The following PIP4K2A variants were observed in gnomAD, a reference collection of about 807,000 sequenced individuals.
PIP4K2A encodes phosphatidylinositol 5-phosphate 4-kinase type-2 alpha.
Under a neutral mutation model 42.9 loss-of-function variants are expected in PIP4K2A, and 14 were observed. The observed-to-expected ratio is 0.33, with a 90% CI of 0.22 to 0.51. The LOEUF (loss-of-function observed/expected upper bound fraction) is 0.51. Ranked by LOEUF, PIP4K2A falls within the 20% of genes least tolerant of loss-of-function variation. The probability of loss-of-function intolerance (pLI) is 0.97; values close to 1 mark genes in which losing one functional copy is unlikely to be tolerated. For missense variants in PIP4K2A, 434 were observed against 519.8 expected (o/e 0.83, Z 1.61); for synonymous variants, 192 against 192.2 (o/e 1.00, Z 0.01).
intron 1 of PIP4K2A, among the ~76,000 whole-genome samples, chr10:22,629,869 G>T (rs965002989): frequency 6.6e-6 from 1 of 152,090 alleles, no homozygotes; most frequent in Non-Finnish European, 1.5e-5. Context: ...GTGAGCAGGG[G>T]AGCCCTCCTT....
chr10:22,539,904 AGAGAGAGG>A (rs58927480), intron 9 of PIP4K2A, 59 bp downstream of exon 9: 227,338 of 647,830 alleles, frequency 0.35, 18,353 homozygotes, highest in Admixed American at 0.47. Context: ...AGAGAGAGAG[AGAGAGAGG>A]GAGAGAGAGA....
At chr10:22,674,393 C>T (rs1046857298) in intron 1 of PIP4K2A, among the ~76,000 whole-genome samples, 1 of 90,676 alleles carries the variant, frequency 1.1e-5, no homozygotes, top group Non-Finnish European at 2.0e-5. Context: ...AGAGAAGAGA[C>T]AAGAGACAAG....
chr10:22,646,015 C>T (rs993034326), intron 1 of PIP4K2A, among the ~76,000 whole-genome samples: 11 of 152,112 alleles, frequency 7.2e-5, no homozygotes, highest in African/African-American at 1.9e-4. Context: ...CGCCACTGTG[C>T]CCAGCCTAAT....
intron 1 of PIP4K2A, among the ~76,000 whole-genome samples, chr10:22,676,807 A>C (rs1287391866): frequency 6.6e-6 from 1 of 152,170 alleles, no homozygotes; most frequent in Non-Finnish European, 1.5e-5. Context: ...CAGAGGAGGA[A>C]GCCAACAATT....
At chr10:22,589,042 C>T (rs565693765) in intron 4 of PIP4K2A, among the ~76,000 whole-genome samples, 1 of 152,272 alleles carries the variant, frequency 6.6e-6, no homozygotes, top group African/African-American at 2.4e-5. Flanking sequence ...CCAGAGAAAA[C>T]ATTTCAAATC....
At chr10:22,661,818 G>C (rs1839210735) in intron 1 of PIP4K2A, 1 of 152,184 alleles carries the variant, frequency 6.6e-6, no homozygotes, top group African/African-American at 2.4e-5. Flanking sequence ...CACGGTTTCT[G>C]AGCAGAAGTT....
chr10:22,562,847 T>C (rs908871803), intron 6 of PIP4K2A, among the ~76,000 whole-genome samples: 2 of 152,118 alleles, frequency 1.3e-5, no homozygotes, highest in African/African-American at 4.8e-5. Flanking sequence ...CTCATGCCTA[T>C]TGGATATCTC....
chr10:22,581,565 TAAAAAAAA>T (rs531477426), intron 4 of PIP4K2A, among the ~76,000 whole-genome samples: 1 of 78,668 alleles, frequency 1.3e-5, no homozygotes, highest in African/African-American at 5.6e-5. Flanking sequence ...ATCCTATCTC[TAAAAAAAA>T]AAAAAAAAAA....
intron 1 of PIP4K2A, among the ~76,000 whole-genome samples, chr10:22,620,914 G>A (rs900080916): frequency 6.6e-6 from 1 of 152,198 alleles, no homozygotes; most frequent in Admixed American, 6.5e-5. Flanking sequence ...TTTCATTTAT[G>A]TGGATGTGGC....
chr10:22,613,345 G>C (rs113374077), intron 1 of PIP4K2A, among the ~76,000 whole-genome samples: 4 of 152,206 alleles, frequency 2.6e-5, no homozygotes, highest in African/African-American at 9.6e-5. Flanking sequence ...GACAGAGGGA[G>C]GACCTGACAG....
intron 1 of PIP4K2A, among the ~76,000 whole-genome samples, chr10:22,675,129 A>G (rs1052608008): frequency 6.6e-6 from 1 of 152,170 alleles, no homozygotes; most frequent in African/African-American, 2.4e-5. Flanking sequence ...TCATTCTTGT[A>G]ATTTACATAT....
intron 6 of PIP4K2A, among the ~76,000 whole-genome samples, chr10:22,563,122 T>C (rs1318037915): frequency 6.6e-6 from 1 of 152,184 alleles, no homozygotes; most frequent in East Asian, 1.9e-4. Context: ...TTTCTATGAC[T>C]TTGACATTCC....
intron 1 of PIP4K2A, among the ~76,000 whole-genome samples, chr10:22,623,888 G>C (rs1361071867): frequency 6.6e-6 from 1 of 152,112 alleles, no homozygotes; most frequent in Non-Finnish European, 1.5e-5. Context: ...CACATGATGA[G>C]GTCAAAGCAC....
At chr10:22,621,313 A>C (rs919809482) in intron 1 of PIP4K2A, among the ~76,000 whole-genome samples, 2 of 152,212 alleles carry the variant, frequency 1.3e-5, no homozygotes, top group African/African-American at 4.8e-5. Flanking sequence ...TCAAATAAGA[A>C]CTTCACTCAT....
intron 4 of PIP4K2A, among the ~76,000 whole-genome samples, chr10:22,586,366 G>A (rs10218845): frequency 0.87 from 132,306 of 152,168 alleles, 57,616 homozygotes; most frequent in East Asian, 0.97. Context: ...TGAAGTCTTC[G>A]TAATTCTGCA....
chr10:22,678,874 G>T (rs1839611020), intron 1 of PIP4K2A, among the ~76,000 whole-genome samples: 1 of 152,216 alleles, frequency 6.6e-6, no homozygotes. Flanking sequence ...CTTATACCTA[G>T]AGTATTAGAC....
intron 6 of PIP4K2A, among the ~76,000 whole-genome samples, chr10:22,562,331 G>A (rs569505334): frequency 1.3e-5 from 2 of 152,272 alleles, no homozygotes; most frequent in African/African-American, 4.8e-5. Context: ...GGTGGATCAC[G>A]AGGTCAGGGG....
At chr10:22,572,879 C>A (rs762371369) in intron 5 of PIP4K2A, among the ~76,000 whole-genome samples, 1 of 152,164 alleles carries the variant, frequency 6.6e-6, no homozygotes, top group African/African-American at 2.4e-5. Flanking sequence ...TCATCTTTCT[C>A]AGGGGAACCT....
chr10:22,578,747 G>A (rs1250042149), intron 4 of PIP4K2A, among the ~76,000 whole-genome samples: 3 of 152,212 alleles, frequency 2.0e-5, no homozygotes, highest in African/African-American at 7.2e-5. Flanking sequence ...TTCATCTAGT[G>A]TAATACAGCT....
Sources: allele counts gnomAD v4.1 joint callset (sites outside exome capture counted in the v4.1 genomes callset), GRCh38; gene constraint gnomAD v4.1.1; transcripts MANE v1.5; gene names NCBI Gene and HGNC (gene_info 2026-07-23, HGNC 2026-07-21).